The following SMOC2 variants were observed in gnomAD, a reference collection of about 807,000 sequenced individuals.
The protein encoded by SMOC2 is SPARC related modular calcium binding 2.
In SMOC2, 39 loss-of-function variants were observed where a neutral mutation model predicts 61.4. The ratio of observed to expected loss-of-function variants is 0.64; its 90% CI spans 0.49 to 0.83. The LOEUF (loss-of-function observed/expected upper bound fraction) is 0.83, where lower values mean the gene tolerates loss of function less well. Ranked by LOEUF, SMOC2 falls within the 40% of genes least tolerant of loss-of-function variation. The pLI, the probability that SMOC2 is intolerant of heterozygous loss-of-function variation, is 0.00. For missense variants in SMOC2, 556 were observed against 592.9 expected, an observed-to-expected ratio of 0.94 and a Z score of 0.65; for synonymous variants, 247 against 239.9, an observed-to-expected ratio of 1.03 and a Z score of -0.27.
At chr6:168,469,271 G>A (rs1781915395) in intron 1 of SMOC2, among the ~76,000 whole-genome samples, 2 of 152,194 alleles carry the variant, frequency 1.3e-5, no homozygotes, top group South Asian at 4.1e-4. Flanking sequence ...TGTTGGGAAG[G>A]AGCGGTTTCA....
rs117055641 is a variant in SMOC2 at position 168,543,788 on chromosome 6, A to T, written c.511+116A>T. The stretch of plus-strand genomic sequence containing the variant: ...TAGTGATGATGATGAGAGCCGAACC[A>T]GTTTGTTACTTCTGCATTCATTCAG... On this transcript the variant is annotated intron_variant, in intron 5 of 12. Coordinates refer to ENST00000356284, the MANE Select transcript of SMOC2 (RefSeq NM_001166412.2). 76 of 930,912 alleles carry T rather than the reference A, an allele frequency of 8.2e-5. No individual in the cohort carries two copies. The East Asian group carries it at 1.1e-3, about 14-fold the overall frequency. The allele number at this position is 930,912 out of a possible 1,614,324, so 57.7% of individuals were successfully genotyped here. A position where few individuals can be genotyped will look rare whatever the true frequency, so the allele number is the denominator to read the frequency against.
rs951619484 is a variant in SMOC2 at position 168,509,822 on chromosome 6, T to C, written c.85-93T>C. Reference sequence around the variant, plus strand: ...TGTTATCCCTCAAGCTTTCATTCCCTGACCGTGAAGTGGCCTGAGGCAGCC... The same window carrying C: ...TGTTATCCCTCAAGCTTTCATTCCCCGACCGTGAAGTGGCCTGAGGCAGCC... On this transcript the variant is annotated intron_variant, in intron 1 of 12. Transcript: ENST00000356284. 5 of 1,310,924 alleles carry C rather than the reference T, an allele frequency of 3.8e-6. 1 individual carries two copies. The East Asian group carries it at 9.4e-5, about 25-fold the overall frequency. 81.2% of individuals were successfully genotyped at this position (1,310,924 alleles called of 1,614,324 possible).
intron 4 of SMOC2, among the ~76,000 whole-genome samples, chr6:168,529,076 T>C (rs1054577959): frequency 5.3e-5 from 8 of 152,244 alleles, no homozygotes; most frequent in Non-Finnish European, 7.3e-5. Flanking sequence ...TTAGAAAACA[T>C]GTGCAAAATT....
intron 8 of SMOC2, among the ~76,000 whole-genome samples, chr6:168,601,952 C>G (rs1170933273): frequency 6.6e-6 from 1 of 152,190 alleles, no homozygotes; most frequent in Non-Finnish European, 1.5e-5. Flanking sequence ...GCAGCTCCGT[C>G]TTTTTGGAGT....
Position 168,518,553 on chromosome 6 carries a change from G to A in SMOC2, c.257-7793G>A, listed in dbSNP as rs186740379. 2.3e-4 allele frequency among the ~76,000 whole-genome samples: 35 copies of A among 150,336 alleles called. No individual in the cohort carries two copies. The East Asian group carries it at 6.5e-3, about 28-fold the overall frequency. On this transcript the variant is annotated intron_variant, in intron 2 of 12. Coordinates refer to ENST00000356284, the MANE Select transcript of SMOC2 (RefSeq NM_001166412.2). ...GATGTGTGAGAGCGTGTGTATGCTT[G>A]TGTGAGTGCATGTATGTGACAATGC... is the stretch of plus-strand genomic sequence containing the variant.
intron 7 of SMOC2, among the ~76,000 whole-genome samples, chr6:168,580,430 C>T (rs1380642534): frequency 6.6e-6 from 1 of 152,348 alleles, no homozygotes; most frequent in Admixed American, 6.5e-5. Context: ...GCACCTGTCA[C>T]TGGTGTGAAT....
chr6:168,481,549 G>A (rs2115023709), intron 1 of SMOC2, among the ~76,000 whole-genome samples: 1 of 152,096 alleles, frequency 6.6e-6, no homozygotes, highest in African/African-American at 2.4e-5. Flanking sequence ...AAATTTAAAT[G>A]TTTCACTACA....
rs146665328 is a variant in SMOC2 at position 168,509,713 on chromosome 6, A to G, written c.85-202A>G. On this transcript the variant is annotated intron_variant, in intron 1 of 12. Coordinates refer to ENST00000356284, the MANE Select transcript of SMOC2 (RefSeq NM_001166412.2). The stretch of plus-strand genomic sequence containing the variant: ...CCGATATTGATGTAGAGAACTTCCA[A>G]ATTATCTAGGCTTTTGAAACAGATG... 4.3e-4 allele frequency among the ~76,000 whole-genome samples: 66 copies of G among 152,244 alleles called. No individual in the cohort carries two copies. In the East Asian group the frequency reaches 0.011, roughly 26 times the overall value.
At chr6:168,591,027 T>C (rs1442462368) in intron 7 of SMOC2, among the ~76,000 whole-genome samples, 3 of 152,228 alleles carry the variant, frequency 2.0e-5, no homozygotes, top group African/African-American at 7.2e-5. Context: ...TCTATAAAAC[T>C]TAAAGTTTAT....
chr6:168,519,070 T>C (rs1250062505), intron 2 of SMOC2, among the ~76,000 whole-genome samples: 1 of 150,696 alleles, frequency 6.6e-6, no homozygotes, highest in African/African-American at 2.5e-5. Context: ...TGTGTGTGAG[T>C]GTATGTATGC....
chr6:168,473,236 C>G (rs191969910), intron 1 of SMOC2, among the ~76,000 whole-genome samples: 1 of 152,158 alleles, frequency 6.6e-6, no homozygotes, highest in Non-Finnish European at 1.5e-5. Context: ...AGCAGGGTGG[C>G]CAGAAAGTGG....
chr6:168,605,127 C>G (rs1055131434), intron 8 of SMOC2, among the ~76,000 whole-genome samples: 2 of 152,050 alleles, frequency 1.3e-5, no homozygotes, highest in African/African-American at 2.4e-5. Context: ...GGCTGATGGC[C>G]AGATTCTGCA....
chr6:168,638,253 C>A (rs1786798093), intron 9 of SMOC2, among the ~76,000 whole-genome samples: 1 of 152,048 alleles, frequency 6.6e-6, no homozygotes, highest in Admixed American at 6.5e-5. Flanking sequence ...TTATTATGTC[C>A]AAAAATAGAA....
rs1476336434 is a variant in SMOC2 at position 168,543,609 on chromosome 6, T to C, written c.464-16T>C. 2 of 1,612,164 alleles carry C rather than the reference T, an allele frequency of 1.2e-6. No individual in the cohort carries two copies. Among genetic ancestry groups the C allele is most frequent in the African/African-American group, 1.3e-5 (1 of 75,024 alleles). On this transcript the variant is annotated splice_polypyrimidine_tract_variant and intron_variant, in intron 4 of 12. Coordinates refer to ENST00000356284, the MANE Select transcript of SMOC2 (RefSeq NM_001166412.2). ...TCCAAAATAATTTCATTTCACTCCT[T>C]ATTTTCCTCTTTTAGGTTCCGTAAA...
chr6:168,502,294 C>A (rs147703302), intron 1 of SMOC2, among the ~76,000 whole-genome samples: 70 of 152,350 alleles, frequency 4.6e-4, no homozygotes, highest in African/African-American at 1.6e-3. Flanking sequence ...CTTGTTATCA[C>A]CTCCATTGGA....
chr6:168,587,470 T>A (rs549863743), intron 7 of SMOC2, among the ~76,000 whole-genome samples: 305 of 152,320 alleles, frequency 2.0e-3, no homozygotes, highest in Non-Finnish European at 2.9e-3. Flanking sequence ...AAGAAGTACA[T>A]TGGTTCAGTC....
intron 7 of SMOC2, among the ~76,000 whole-genome samples, chr6:168,584,842 A>G (rs953139136): frequency 1.3e-5 from 2 of 152,062 alleles, no homozygotes; most frequent in Non-Finnish European, 2.9e-5. Context: ...TGCTCAGGAA[A>G]CCCAAGCACC....
chr6:168,629,065 C>T (rs1786497300), intron 9 of SMOC2, among the ~76,000 whole-genome samples: 2 of 152,358 alleles, frequency 1.3e-5, no homozygotes, highest in South Asian at 4.1e-4. Flanking sequence ...GAAAACTTGC[C>T]CTTGACAGCC....
intron 1 of SMOC2, among the ~76,000 whole-genome samples, chr6:168,442,161 T>A (rs1781226534): frequency 6.6e-6 from 1 of 152,240 alleles, no homozygotes; most frequent in Non-Finnish European, 1.5e-5. Context: ...TCTTCCCTTC[T>A]CAGGACAGAA....
Sources: allele counts gnomAD v4.1 joint callset (sites outside exome capture counted in the v4.1 genomes callset), GRCh38; gene constraint gnomAD v4.1.1; transcripts MANE v1.5; gene names NCBI Gene and HGNC (gene_info 2026-07-23, HGNC 2026-07-21).